Variants in SGK3 observed in about 807,000 individuals in gnomAD.
SGK3 encodes serine/threonine-protein kinase Sgk3.
Under a neutral mutation model 68.5 loss-of-function variants are expected in SGK3, and 47 were observed. The ratio of observed to expected loss-of-function variants is 0.69; its 90% CI spans 0.54 to 0.87. The LOEUF (loss-of-function observed/expected upper bound fraction) is 0.87, where lower values mean the gene tolerates loss of function less well. Among genes scored for constraint, SGK3 ranks in the 40% least tolerant of loss-of-function variants. The probability of loss-of-function intolerance (pLI) is 0.00; values close to 1 mark genes in which losing one functional copy is unlikely to be tolerated. For synonymous variants in SGK3, 181 were observed against 189.1 expected (o/e 0.96, Z 0.35); for missense variants, 479 against 575.5 (o/e 0.83, Z 1.72).
intron 1 of SGK3, among the ~76,000 whole-genome samples, chr8:66,773,892 A>G (rs1286789869): frequency 6.6e-6 from 1 of 152,222 alleles, no homozygotes; most frequent in African/African-American, 2.4e-5. Context: ...AAAAAAGAAA[A>G]GGGAAACTGT....
Position 66,734,968 on chromosome 8 carries a change from T to C in SGK3, c.-122+22135T>C, listed in dbSNP as rs912442022. ...TCAAAAAAAAAAAAAAAAGTAGATA[T>C]GTACAGTACAATAAGATGTTTTGAA... On this transcript the variant is annotated intron_variant, in intron 1 of 16. Coordinates refer to ENST00000521198, the MANE Select transcript of SGK3 (RefSeq NM_001033578.3). 1.7e-4 allele frequency among the ~76,000 whole-genome samples: 25 copies of C among 149,906 alleles called. 1 individual carries two copies. The highest frequency in any genetic ancestry group is 1.6e-4 in the Non-Finnish European group (11 of 67,840).
At chr8:66,845,386 G>A (rs148370411) in intron 14 of SGK3, among the ~76,000 whole-genome samples, 4,698 of 151,550 alleles carry the variant, frequency 0.031, 255 homozygotes, top group African/African-American at 0.11. Flanking sequence ...GCAACAAAGC[G>A]AGACTCCGTC....
intron 1 of SGK3, among the ~76,000 whole-genome samples, chr8:66,759,080 C>CTTTTTTTT (rs752312636): frequency 1.4e-5 from 2 of 140,410 alleles, no homozygotes; most frequent in Admixed American, 7.2e-5. Flanking sequence ...TTCTTTTCTT[C>CTTTTTTTT]TTTTTTTTTT....
intron 15 of SGK3, among the ~76,000 whole-genome samples, chr8:66,849,608 T>G (rs1585812313): frequency 6.6e-6 from 1 of 151,656 alleles, no homozygotes; most frequent in East Asian, 1.9e-4. Flanking sequence ...TTTTTTTTTT[T>G]TTTTTGAGAC....
chr8:66,768,990 T>A (rs1806414752), intron 1 of SGK3, among the ~76,000 whole-genome samples: 5 of 152,226 alleles, frequency 3.3e-5, no homozygotes, highest in African/African-American at 7.2e-5. Context: ...AGTACTTTTA[T>A]TGTGATGTGC....
chr8:66,757,491 T>C (rs1031243887), intron 1 of SGK3, among the ~76,000 whole-genome samples: 1 of 152,008 alleles, frequency 6.6e-6, no homozygotes, highest in Non-Finnish European at 1.5e-5. Context: ...CCAGTGTTTC[T>C]CAAACATTTT....
intron 1 of SGK3, chr8:66,767,557 T>C (rs1806357489): frequency 6.8e-7 from 1 of 1,479,054 alleles, no homozygotes; most frequent in East Asian, 2.3e-5. Context: ...TCTCTCCTCA[T>C]CAAGTATCAT....
intron 1 of SGK3, among the ~76,000 whole-genome samples, chr8:66,729,142 C>T (rs1282499079): frequency 1.3e-5 from 2 of 149,592 alleles, no homozygotes; most frequent in African/African-American, 4.9e-5. Flanking sequence ...TGGAATGAAC[C>T]CAGGAGGCGG....
chr8:66,720,781 T>TTTTATATATATATA (rs1554590872), intron 1 of SGK3, among the ~76,000 whole-genome samples: 4 of 146,246 alleles, frequency 2.7e-5, no homozygotes, highest in African/African-American at 1.1e-4. Context: ...AAAAAAAAAA[T>TTTTATATATATATA]TATATATATA....
chr8:66,743,519 A>G (rs191916826), intron 1 of SGK3, among the ~76,000 whole-genome samples: 1 of 152,268 alleles, frequency 6.6e-6, no homozygotes, highest in Non-Finnish European at 1.5e-5. Flanking sequence ...TTCATTGTTA[A>G]GTGCTAATGT....
chr8:66,732,138 A>T (rs1805173458), intron 1 of SGK3, among the ~76,000 whole-genome samples: 1 of 152,152 alleles, frequency 6.6e-6, no homozygotes, highest in African/African-American at 2.4e-5. Context: ...ACAGTATTTA[A>T]TTTGCACCTA....
At chr8:66,718,834 A>C (rs1804718940) in intron 1 of SGK3, among the ~76,000 whole-genome samples, 2 of 152,110 alleles carry the variant, frequency 1.3e-5, no homozygotes, top group Non-Finnish European at 2.9e-5. Context: ...GGCCACATGT[A>C]TGTTTTATAT....
intron 1 of SGK3, among the ~76,000 whole-genome samples, chr8:66,781,510 G>T (rs965382018): frequency 2.6e-5 from 4 of 152,074 alleles, no homozygotes; most frequent in Non-Finnish European, 4.4e-5. Flanking sequence ...CACCATGCCT[G>T]GTTTATTTTA....
At chr8:66,847,160 C>T in intron 14 of SGK3, 33 bp from the exon 15 acceptor site, 1 of 1,583,838 alleles carries the variant, frequency 6.3e-7, no homozygotes, top group East Asian at 2.2e-5. Context: ...ATTTGTTTAC[C>T]ACTAAGTTTA....
intron 6 of SGK3, among the ~76,000 whole-genome samples, chr8:66,824,812 G>A (rs530009148): frequency 6.6e-6 from 1 of 152,186 alleles, no homozygotes; most frequent in East Asian, 1.9e-4. Flanking sequence ...TAAAACATAT[G>A]CATATTCACA....
intron 16 of SGK3, among the ~76,000 whole-genome samples, chr8:66,857,009 C>T (rs909625782): frequency 6.6e-6 from 1 of 152,012 alleles, no homozygotes; most frequent in African/African-American, 2.4e-5. Context: ...ACAAGAATTG[C>T]TTGAACCCAG....
intron 7 of SGK3, among the ~76,000 whole-genome samples, chr8:66,830,939 TC>T (rs1809278310): frequency 6.6e-6 from 1 of 152,230 alleles, no homozygotes; most frequent in African/African-American, 2.4e-5. Flanking sequence ...AGAAGCTATT[TC>T]AAGTTCAAAA....
At chr8:66,722,263 A>G (rs1394578053) in intron 1 of SGK3, among the ~76,000 whole-genome samples, 1 of 151,712 alleles carries the variant, frequency 6.6e-6, no homozygotes, top group Non-Finnish European at 1.5e-5. Flanking sequence ...TTTTGTAAGG[A>G]TGTTTTTGTT....
intron 1 of SGK3, among the ~76,000 whole-genome samples, chr8:66,718,547 G>C (rs910012502): frequency 4.0e-5 from 6 of 150,422 alleles, no homozygotes; most frequent in Admixed American, 2.7e-4. Flanking sequence ...TGTTTTTTTT[G>C]AGACAAACTC....
Sources: allele counts gnomAD v4.1 joint callset (sites outside exome capture counted in the v4.1 genomes callset), GRCh38; gene constraint gnomAD v4.1.1; transcripts MANE v1.5; gene names NCBI Gene and HGNC (gene_info 2026-07-23, HGNC 2026-07-21).